KCNAB1: variants seen among roughly 807,000 people sequenced by gnomAD.
KCNAB1 encodes voltage-gated potassium channel subunit beta-1.
KCNAB1 carries 35 observed loss-of-function variants against 64.6 expected under a neutral mutation model. The ratio of observed to expected loss-of-function variants is 0.54; its 90% CI spans 0.41 to 0.72. The LOEUF (loss-of-function observed/expected upper bound fraction) is 0.72. KCNAB1 is among the 30% of genes least tolerant of loss of function. The pLI is 0.00. For synonymous variants in KCNAB1, 177 were observed against 183.8 expected, an observed-to-expected ratio of 0.96 and a Z score of 0.30; for missense variants, 401 against 512.9, an observed-to-expected ratio of 0.78 and a Z score of 2.11.
chr3:156,174,730 C>A (rs2108332351), intron 1 of KCNAB1, among the ~76,000 whole-genome samples: 1 of 152,354 alleles, frequency 6.6e-6, no homozygotes, highest in African/African-American at 2.4e-5. Context: ...GTCGCTTCCA[C>A]AGGCCCTCTT....
intron 1 of KCNAB1, among the ~76,000 whole-genome samples, chr3:156,234,285 A>G (rs1445366014): frequency 6.6e-6 from 1 of 152,090 alleles, no homozygotes; most frequent in African/African-American, 2.4e-5. Flanking sequence ...AACTCTGGCA[A>G]ATGTGTCTGT....
chr3:156,348,922 C>G (rs1425384131), intron 1 of KCNAB1, among the ~76,000 whole-genome samples: 1 of 152,134 alleles, frequency 6.6e-6, no homozygotes, highest in Non-Finnish European at 1.5e-5. Context: ...TAAGCCAGGC[C>G]ACTGACTGTA....
chr3:156,509,223 G>A (rs1294093761), intron 8 of KCNAB1, among the ~76,000 whole-genome samples: 3 of 152,202 alleles, frequency 2.0e-5, no homozygotes, highest in Non-Finnish European at 4.4e-5. Context: ...ATAGGAAGAC[G>A]TTTGTATCCA....
At chr3:156,250,989 G>A (rs888601070) in intron 1 of KCNAB1, among the ~76,000 whole-genome samples, 15 of 151,756 alleles carry the variant, frequency 9.9e-5, no homozygotes, top group African/African-American at 2.9e-4. Flanking sequence ...ACTTTATTTC[G>A]TACCATTCTT....
chr3:156,410,442 T>C (rs1714569639), intron 1 of KCNAB1, among the ~76,000 whole-genome samples: 1 of 152,248 alleles, frequency 6.6e-6, no homozygotes, highest in Admixed American at 6.5e-5. Flanking sequence ...AATTCATTTC[T>C]CATAGTCTGT....
chr3:156,419,634 T>C (rs1195203826), intron 1 of KCNAB1, among the ~76,000 whole-genome samples: 1 of 152,212 alleles, frequency 6.6e-6, no homozygotes, highest in Non-Finnish European at 1.5e-5. Flanking sequence ...TAAAAATACA[T>C]GAAAACCCTT....
chr3:156,325,839 A>G (rs1369113610), intron 1 of KCNAB1, among the ~76,000 whole-genome samples: 1 of 152,158 alleles, frequency 6.6e-6, no homozygotes, highest in Admixed American at 6.6e-5. Context: ...CAACTCAGGA[A>G]TGCACATATA....
chr3:156,370,185 T>C (rs1726211106), intron 1 of KCNAB1, among the ~76,000 whole-genome samples: 1 of 152,204 alleles, frequency 6.6e-6, no homozygotes, highest in South Asian at 2.1e-4. Context: ...GAGCTTCAAC[T>C]GGATCACTGC....
chr3:156,316,084 A>G (rs1449588776), intron 1 of KCNAB1, among the ~76,000 whole-genome samples: 1 of 152,270 alleles, frequency 6.6e-6, no homozygotes, highest in African/African-American at 2.4e-5. Flanking sequence ...GTTTACATTT[A>G]TGTAGCAGTC....
chr3:156,123,288 G>T (rs541133134), intron 1 of KCNAB1, among the ~76,000 whole-genome samples: 1 of 152,306 alleles, frequency 6.6e-6, no homozygotes, highest in East Asian at 1.9e-4. Flanking sequence ...AATTCTGTGG[G>T]TCTTTGGTTA....
At chr3:156,295,476 C>A (rs1463291347) in intron 1 of KCNAB1, among the ~76,000 whole-genome samples, 1 of 152,140 alleles carries the variant, frequency 6.6e-6, no homozygotes, top group African/African-American at 2.4e-5. Context: ...TATACTTGTG[C>A]AAAACCTCTG....
chr3:156,201,694 C>T (rs1576600791), intron 1 of KCNAB1, among the ~76,000 whole-genome samples: 1 of 152,220 alleles, frequency 6.6e-6, no homozygotes, highest in Non-Finnish European at 1.5e-5. Context: ...GCAGCAGTGG[C>T]ATGGTAGGCT....
At chr3:156,394,737 C>A (rs995487516) in intron 1 of KCNAB1, among the ~76,000 whole-genome samples, 2 of 152,198 alleles carry the variant, frequency 1.3e-5, no homozygotes, top group African/African-American at 4.8e-5. Flanking sequence ...CTAGTAACTG[C>A]CGATTAATTT....
At chr3:156,426,943 T>C (rs1285156340) in intron 2 of KCNAB1, among the ~76,000 whole-genome samples, 1 of 152,148 alleles carries the variant, frequency 6.6e-6, no homozygotes, top group East Asian at 1.9e-4. Flanking sequence ...TGATCAAAGG[T>C]ATTAGAAGCA....
intron 1 of KCNAB1, among the ~76,000 whole-genome samples, chr3:156,413,291 A>G (rs764869434): frequency 1.3e-5 from 2 of 152,212 alleles, no homozygotes; most frequent in African/African-American, 2.4e-5. Context: ...AATGTTTACG[A>G]TGTTCCTCCA....
rs546002723 is a variant in KCNAB1, at chr3:156,225,885, G to A, written c.275+104999G>A. Among the ~76,000 whole-genome samples, 191 of 152,160 alleles carry A rather than the reference G, an allele frequency of 1.3e-3. 1 individual carries two copies. Among genetic ancestry groups the A allele is most frequent in the African/African-American group, 4.4e-3 (183 of 41,512 alleles). ...ATACCTAACCAAGGACTTGAAAGAC[G>A]TCTACAAGGAAAATTACAAAACACT... On this transcript the variant is annotated intron_variant, in intron 1 of 13. Coordinates refer to ENST00000490337, the MANE Select transcript of KCNAB1 (RefSeq NM_172160.3).
chr3:156,411,472 G>A (rs1204467889), intron 1 of KCNAB1, among the ~76,000 whole-genome samples: 1 of 151,890 alleles, frequency 6.6e-6, no homozygotes, highest in Non-Finnish European at 1.5e-5. Flanking sequence ...TTTTCTAGAA[G>A]TTTTATAGTG....
chr3:156,124,496 T>G (rs1713535048), intron 1 of KCNAB1, among the ~76,000 whole-genome samples: 1 of 152,122 alleles, frequency 6.6e-6, no homozygotes, highest in African/African-American at 2.4e-5. Context: ...GAATTACAGG[T>G]GTGAGCCACC....
chr3:156,246,985 C>G (rs1046235836), intron 1 of KCNAB1, among the ~76,000 whole-genome samples: 10 of 152,188 alleles, frequency 6.6e-5, no homozygotes, highest in Admixed American at 2.0e-4. Flanking sequence ...TTTCAGTTAT[C>G]TATCAATGCA....
Sources: allele counts gnomAD v4.1 joint callset (sites outside exome capture counted in the v4.1 genomes callset), GRCh38; gene constraint gnomAD v4.1.1; transcripts MANE v1.5; gene names NCBI Gene and HGNC (gene_info 2026-07-23, HGNC 2026-07-21).